RHOH: variants seen among roughly 807,000 people sequenced by gnomAD.
RHOH encodes rho-related GTP-binding protein RhoH.
RHOH carries 6 observed loss-of-function variants against 13.8 expected under a neutral mutation model. That is an observed-to-expected ratio of 0.44 (90% CI 0.24 to 0.86). The LOEUF (loss-of-function observed/expected upper bound fraction) is 0.86, where lower values mean the gene tolerates loss of function less well. Among genes scored for constraint, RHOH ranks in the 40% least tolerant of loss-of-function variants. The pLI, the probability that RHOH is intolerant of heterozygous loss-of-function variation, is 0.24. For synonymous variants in RHOH, 117 were observed against 103.0 expected, an observed-to-expected ratio of 1.14 and a Z score of -0.82; for missense variants, 147 against 244.5, an observed-to-expected ratio of 0.60 and a Z score of 2.66.
rs562276741 is a variant in RHOH, at chr4:40,246,444, C to T, written c.*2482C>T. The T allele has an allele frequency of 3.0e-3, 342 of 114,288 alleles. No homozygotes were observed. The highest frequency in any genetic ancestry group is 5.5e-3 in the Non-Finnish European group (248 of 44,728). 7.1% of individuals were successfully genotyped at this position (114,288 alleles called of 1,614,324 possible). A position where few individuals can be genotyped will look rare whatever the true frequency, so the allele number is the denominator to read the frequency against. ...CAAAGACACACAGGTGAGACCTCCA[C>T]CTGTTGGCGGGAGCCAAGCTTAACA... On this transcript the variant is annotated 3_prime_UTR_variant, in exon 3 of 3. Transcript: ENST00000381799.
intron 1 of RHOH, among the ~76,000 whole-genome samples, chr4:40,221,736 C>T (rs1311238769): frequency 1.3e-5 from 2 of 152,154 alleles, no homozygotes; most frequent in Non-Finnish European, 2.9e-5. Context: ...ATAATGGCCT[C>T]TCAGTGTTTA....
upstream of RHOH, among the ~76,000 whole-genome samples, chr4:40,196,395 A>G (rs552415839): frequency 6.6e-6 from 1 of 152,310 alleles, no homozygotes; most frequent in African/African-American, 2.4e-5. Context: ...CATTAGGACA[A>G]AACAAGTAAA....
chr4:40,241,942 G>A (rs527418303), intron 1 of RHOH, among the ~76,000 whole-genome samples: 1 of 152,354 alleles, frequency 6.6e-6, no homozygotes, highest in South Asian at 2.1e-4. Context: ...CCAGGATTTA[G>A]AGAAGTGACT....
chr4:40,244,699 T>C lies in RHOH; in HGVS notation c.*737T>C, dbSNP rs1729651642. The C allele has an allele frequency of 5.4e-6, 1 of 184,272 alleles. No individual in the cohort carries two copies. Among genetic ancestry groups the C allele is most frequent in the Non-Finnish European group, 1.2e-5 (1 of 84,954 alleles). 11.4% of individuals were successfully genotyped at this position (184,272 alleles called of 1,614,324 possible). On this transcript the variant is annotated 3_prime_UTR_variant, in exon 3 of 3. Transcript: ENST00000381799. ...CACTCAACTCCAGTTATGCACTAAA[T>C]ATTCTCCTCTCATTCACCAAGATTG...
rs1729612284 is a variant in RHOH at position 40,244,298 on chromosome 4, A to G, written c.*336A>G. On this transcript the variant is annotated 3_prime_UTR_variant, in exon 3 of 3. Coordinates refer to ENST00000381799, the MANE Select transcript of RHOH (RefSeq NM_004310.5). ...ATTTAAAGACACATTTTATTTAACT[A>G]ATAACAAAATGTATTGCTTTTGTAT... is the stretch of plus-strand genomic sequence containing the variant. 1 of 276,332 alleles carries G rather than the reference A, an allele frequency of 3.6e-6. No individual in the cohort carries two copies. The highest frequency in any genetic ancestry group is 7.3e-6 in the Non-Finnish European group (1 of 137,764). The allele number at this position is 276,332 out of a possible 1,614,324, so 17.1% of individuals were successfully genotyped here.
chr4:40,195,496 T>C (rs113498933), upstream of RHOH, among the ~76,000 whole-genome samples: 1,725 of 151,662 alleles, frequency 0.011, 32 homozygotes, highest in African/African-American at 0.04. Flanking sequence ...AGGGTCTTGC[T>C]GTGTCCCCAG....
chr4:40,220,340 A>G (rs1726403582), intron 1 of RHOH, among the ~76,000 whole-genome samples: 2 of 146,508 alleles, frequency 1.4e-5, no homozygotes, highest in African/African-American at 5.1e-5. Flanking sequence ...GGCATTTTGC[A>G]TTTACCTTTA....
At chr4:40,215,330 T>C (rs1231942362) in intron 1 of RHOH, among the ~76,000 whole-genome samples, 1 of 152,222 alleles carries the variant, frequency 6.6e-6, no homozygotes, top group Non-Finnish European at 1.5e-5. Context: ...ATAAAAGGTC[T>C]GTCTTTGTGG....
chr4:40,243,257 T>C lies in RHOH; in HGVS notation c.-130T>C. On this transcript the variant is annotated 5_prime_UTR_variant, in exon 3 of 3. Transcript: ENST00000381799. The surrounding 1 kb of genome is among the most constrained non-coding windows in gnomAD (Gnocchi z 6.2). ...AGAAGTAACATTCTGCAAATCGCCG[T>C]CAGAGGTCCTGAGGACACAGACCTA... 2.9e-6 allele frequency: 2 copies of C among 690,812 alleles called. No individual in the cohort carries two copies. Among genetic ancestry groups the C allele is most frequent in the Non-Finnish European group, 4.8e-6 (2 of 420,614 alleles). The allele number at this position is 690,812 out of a possible 1,614,324, so 42.8% of individuals were successfully genotyped here.
intron 1 of RHOH, among the ~76,000 whole-genome samples, chr4:40,215,120 G>T (rs1291212384): frequency 6.6e-6 from 1 of 152,152 alleles, no homozygotes; most frequent in Non-Finnish European, 1.5e-5. Context: ...TACCCGGTAA[G>T]GCTGCCCATT....
At chr4:40,200,727 C>G (rs1256584828) in intron 1 of RHOH, among the ~76,000 whole-genome samples, 2 of 152,294 alleles carry the variant, frequency 1.3e-5, no homozygotes, top group South Asian at 2.1e-4. Flanking sequence ...TTAGCTCAGT[C>G]ATACCCGCAT....
intron 1 of RHOH, among the ~76,000 whole-genome samples, chr4:40,238,002 C>G (rs1017425663): frequency 6.6e-6 from 1 of 152,172 alleles, no homozygotes; most frequent in Non-Finnish European, 1.5e-5. Context: ...TGTAAAAGTA[C>G]AAACGGAAAT....
upstream of RHOH, among the ~76,000 whole-genome samples, chr4:40,193,408 G>C (rs548357372): frequency 2.0e-5 from 3 of 146,472 alleles, no homozygotes; most frequent in Non-Finnish European, 4.5e-5. Flanking sequence ...ATGTTTGCAT[G>C]TATTTTCAGC....
intron 1 of RHOH, among the ~76,000 whole-genome samples, chr4:40,234,962 A>G (rs554258563): frequency 6.6e-6 from 1 of 152,280 alleles, no homozygotes; most frequent in South Asian, 2.1e-4. Context: ...TATGTATGAA[A>G]GTACACTGAC....
upstream of RHOH, among the ~76,000 whole-genome samples, chr4:40,192,086 A>G: frequency 6.6e-6 from 1 of 152,348 alleles, no homozygotes; most frequent in Non-Finnish European, 1.5e-5. Context: ...CATCAGAATT[A>G]AGATCATTCT....
At chr4:40,222,165 G>A (rs771268676) in intron 1 of RHOH, among the ~76,000 whole-genome samples, 15 of 152,202 alleles carry the variant, frequency 9.9e-5, no homozygotes, top group Non-Finnish European at 2.2e-4. Context: ...TAACACCAAA[G>A]TATAAAGAGA....
chr4:40,223,466 C>CTTT (rs36119984), intron 1 of RHOH, among the ~76,000 whole-genome samples: 13 of 94,460 alleles, frequency 1.4e-4, no homozygotes, highest in African/African-American at 3.5e-4. Flanking sequence ...TGATTGTTAG[C>CTTT]TTTTTTTTTT....
chr4:40,211,107 A>G (rs1725216878), intron 1 of RHOH, among the ~76,000 whole-genome samples: 1 of 152,172 alleles, frequency 6.6e-6, no homozygotes, highest in Non-Finnish European at 1.5e-5. Flanking sequence ...GTCTTCTCTC[A>G]TTGTACTGTA....
At chr4:40,217,039 G>A (rs534535958) in intron 1 of RHOH, among the ~76,000 whole-genome samples, 1 of 152,202 alleles carries the variant, frequency 6.6e-6, no homozygotes, top group Non-Finnish European at 1.5e-5. Context: ...GTTGGACACA[G>A]TCCAAATCAC....
Sources: allele counts gnomAD v4.1 joint callset (sites outside exome capture counted in the v4.1 genomes callset), GRCh38; gene constraint gnomAD v4.1.1; non-coding constraint Gnocchi (gnomAD v3.1); transcripts MANE v1.5; gene names NCBI Gene and HGNC (gene_info 2026-07-23, HGNC 2026-07-21).